CACNA1C: variants seen among roughly 807,000 people sequenced by gnomAD.
CACNA1C encodes voltage-dependent L-type calcium channel subunit alpha-1C.
A neutral mutation model predicts 229.0 loss-of-function variants in CACNA1C; 30 were observed. The observed-to-expected ratio is 0.13, with a 90% CI of 0.10 to 0.18. CACNA1C has a LOEUF of 0.18. CACNA1C is among the 10% of genes least tolerant of loss of function. The pLI, the probability that CACNA1C is intolerant of heterozygous loss-of-function variation, is 1.00. For synonymous variants in CACNA1C, 1,114 were observed against 1,132.5 expected, an observed-to-expected ratio of 0.98 and a Z score of 0.33; for missense variants, 1,658 against 2,845.0, an observed-to-expected ratio of 0.58 and a Z score of 9.49.
intron 3 of CACNA1C, among the ~76,000 whole-genome samples, chr12:2,412,708 A>C (rs899502549): frequency 6.6e-6 from 1 of 152,258 alleles, no homozygotes; most frequent in African/African-American, 2.4e-5. Context: ...ATAAATAGAT[A>C]TTTAAGAGAT....
At chr12:2,234,758 T>C (rs2066669163) in intron 3 of CACNA1C, among the ~76,000 whole-genome samples, 1 of 152,154 alleles carries the variant, frequency 6.6e-6, no homozygotes, top group Non-Finnish European at 1.5e-5. Flanking sequence ...TTGAGAATTT[T>C]AAATTAGCTG....
At position 2,436,306 on chromosome 12, in the gene CACNA1C, C is replaced by T. The variant is rs144509422; in HGVS notation, c.478-12670C>T. Among the ~76,000 whole-genome samples the T allele has an allele frequency of 1.2e-3, 178 of 152,262 alleles. 1 individual carries two copies. Among genetic ancestry groups the T allele is most frequent in the African/African-American group, 4.1e-3 (171 of 41,542 alleles). ...AAGGTAGGAAGAAGCCACCACTAGG[C>T]GGGGAAATATTGGGTCTGCATCCCT... is the stretch of plus-strand genomic sequence containing the variant. On this transcript the variant is annotated intron_variant, in intron 3 of 46. Transcript: ENST00000399655.
At chr12:2,662,503 GGA>G (rs2095815689) in intron 34 of CACNA1C, among the ~76,000 whole-genome samples, 1 of 152,138 alleles carries the variant, frequency 6.6e-6, no homozygotes, top group Non-Finnish European at 1.5e-5. Flanking sequence ...CAAAATAAAA[GGA>G]GAGAGATGCC....
chr12:2,104,958 C>T (rs561297069), intron 1 of CACNA1C, among the ~76,000 whole-genome samples: 3 of 152,308 alleles, frequency 2.0e-5, no homozygotes, highest in East Asian at 1.9e-4. Flanking sequence ...GTTTTCTTCC[C>T]TATGGTCTCT....
chr12:2,255,271 A>C (rs2076986598), intron 3 of CACNA1C, among the ~76,000 whole-genome samples: 1 of 151,894 alleles, frequency 6.6e-6, no homozygotes, highest in Non-Finnish European at 1.5e-5. Context: ...TGCTGCAGAA[A>C]AAAAAAAAAA....
intron 18 of CACNA1C, among the ~76,000 whole-genome samples, chr12:2,591,104 A>G (rs2065096547): frequency 6.6e-6 from 1 of 152,182 alleles, no homozygotes; most frequent in Non-Finnish European, 1.5e-5. Flanking sequence ...TAATTACCCT[A>G]GGGAAAGAAT....
At chr12:2,394,109 C>CA (rs60498219) in intron 3 of CACNA1C, among the ~76,000 whole-genome samples, 29,931 of 113,158 alleles carry the variant, frequency 0.26, 3,627 homozygotes, top group Non-Finnish European at 0.35. Flanking sequence ...TGTCTCTAAA[C>CA]AAAAAAAAAA....
intron 34 of CACNA1C, among the ~76,000 whole-genome samples, chr12:2,659,718 T>G (rs2095606939): frequency 6.6e-6 from 1 of 152,060 alleles, no homozygotes; most frequent in African/African-American, 2.4e-5. Context: ...AAAGCATAAA[T>G]TAATAAAATA....
At chr12:2,436,749 T>C (rs1467054333) in intron 3 of CACNA1C, among the ~76,000 whole-genome samples, 1 of 152,210 alleles carries the variant, frequency 6.6e-6, no homozygotes, top group Non-Finnish European at 1.5e-5. Context: ...TAGAGCTGCT[T>C]TCAGAAGCAA....
At chr12:2,342,645 C>T (rs1438289890) in intron 3 of CACNA1C, among the ~76,000 whole-genome samples, 2 of 152,250 alleles carry the variant, frequency 1.3e-5, no homozygotes, top group African/African-American at 2.4e-5. Context: ...TGAAACACTT[C>T]CCTGCCTTCT....
intron 3 of CACNA1C, among the ~76,000 whole-genome samples, chr12:2,318,845 G>C (rs563417125): frequency 1.1e-3 from 161 of 151,846 alleles, no homozygotes; most frequent in African/African-American, 3.4e-3. Flanking sequence ...AGCGGGCAGA[G>C]AGACAGGGAA....
intron 34 of CACNA1C, among the ~76,000 whole-genome samples, chr12:2,662,574 A>G (rs2095821202): frequency 6.6e-6 from 1 of 152,228 alleles, no homozygotes; most frequent in African/African-American, 2.4e-5. Flanking sequence ...AAATGAATTG[A>G]CATCTCAGTG....
intron 3 of CACNA1C, among the ~76,000 whole-genome samples, chr12:2,176,089 A>C (rs1232005651): frequency 6.6e-6 from 1 of 152,182 alleles, no homozygotes; most frequent in East Asian, 1.9e-4. Context: ...AAAGCAGGAC[A>C]GGGACATGAG....
At chr12:2,126,337 G>A (rs779554763) in intron 3 of CACNA1C, among the ~76,000 whole-genome samples, 2 of 152,108 alleles carry the variant, frequency 1.3e-5, no homozygotes, top group Non-Finnish European at 2.9e-5. Context: ...GCAGCACATC[G>A]TTTATAATAT....
At chr12:2,286,664 C>T (rs1356274353) in intron 3 of CACNA1C, among the ~76,000 whole-genome samples, 1 of 152,014 alleles carries the variant, frequency 6.6e-6, no homozygotes, top group African/African-American at 2.4e-5. Context: ...GAGGCGCAGT[C>T]CCTCCCCCGA....
intron 3 of CACNA1C, among the ~76,000 whole-genome samples, chr12:2,369,364 G>A (rs1393730073): frequency 6.6e-6 from 1 of 151,898 alleles, no homozygotes; most frequent in African/African-American, 2.4e-5. Context: ...GGCAGGGACT[G>A]GATTGGTAAG....
chr12:2,186,088 T>C (rs2096993687), intron 3 of CACNA1C, among the ~76,000 whole-genome samples: 1 of 152,190 alleles, frequency 6.6e-6, no homozygotes, highest in South Asian at 2.1e-4. Context: ...AGCAGCTGCC[T>C]CCACTACGGG....
intron 1 of CACNA1C, among the ~76,000 whole-genome samples, chr12:2,081,694 C>T (rs1337839816): frequency 1.3e-5 from 2 of 152,020 alleles, no homozygotes; most frequent in Non-Finnish European, 2.9e-5. Context: ...TTTTCATGAA[C>T]CTGGCATTGC....
At chr12:2,050,235 A>G (rs1256647598), upstream of CACNA1C, among the ~76,000 whole-genome samples, 4 of 152,198 alleles carry the variant, frequency 2.6e-5, no homozygotes, top group Admixed American at 2.6e-4. Flanking sequence ...AGATAATAGT[A>G]GAGACTGAGT....
Sources: allele counts gnomAD v4.1 joint callset (sites outside exome capture counted in the v4.1 genomes callset), GRCh38; gene constraint gnomAD v4.1.1; transcripts MANE v1.5; gene names NCBI Gene and HGNC (gene_info 2026-07-23, HGNC 2026-07-21).